SYNDIG1L: variants seen among roughly 807,000 people sequenced by gnomAD.
The protein encoded by SYNDIG1L is synapse differentiation inducing 1 like.
A neutral mutation model predicts 20.1 loss-of-function variants in SYNDIG1L; 13 were observed. The observed-to-expected ratio is 0.65, with a 90% CI of 0.42 to 1.03. SYNDIG1L has a LOEUF of 1.03. Among genes scored for constraint, SYNDIG1L ranks in the 50% least tolerant of loss-of-function variants. SYNDIG1L has a pLI of 0.00. For missense variants in SYNDIG1L, 294 were observed against 305.1 expected (o/e 0.96, Z 0.27); for synonymous variants, 128 against 129.3 (o/e 0.99, Z 0.07).
intron 1 of SYNDIG1L, among the ~76,000 whole-genome samples, chr14:74,411,131 G>A (rs1297597319): frequency 6.6e-6 from 1 of 152,222 alleles, no homozygotes; most frequent in Non-Finnish European, 1.5e-5. Flanking sequence ...TGATGGGGCT[G>A]TGTCTTGCCC....
chr14:74,449,438 C>CAAAAAAAAAAAAAAAA, the SYNDIG1L span, among the ~76,000 whole-genome samples: 34 of 34,018 alleles, frequency 1.0e-3, 13 homozygotes, highest in Non-Finnish European at 1.3e-3. Context: ...CCTGTCTTTA[C>CAAAAAAAAAAAAAAAA]AAAAAAAAAA....
chr14:74,446,167 G>C, the SYNDIG1L span, among the ~76,000 whole-genome samples: 244 of 152,238 alleles, frequency 1.6e-3, 2 homozygotes, highest in South Asian at 0.019. Context: ...CACTAAAGTT[G>C]GCTATCACCC....
the SYNDIG1L span, among the ~76,000 whole-genome samples, chr14:74,461,472 A>G: frequency 2.0e-5 from 3 of 152,152 alleles, no homozygotes. Context: ...TCTGGTCACA[A>G]TGGGAGAGGA....
At chr14:74,421,673 G>A (rs557544793) in intron 1 of SYNDIG1L, among the ~76,000 whole-genome samples, 4 of 152,330 alleles carry the variant, frequency 2.6e-5, no homozygotes, top group African/African-American at 9.6e-5. Flanking sequence ...GCTGCTGGAT[G>A]TATGGAGTCG....
At chr14:74,467,364 A>G in the SYNDIG1L span, among the ~76,000 whole-genome samples, 4 of 152,130 alleles carry the variant, frequency 2.6e-5, no homozygotes, top group South Asian at 8.3e-4. Context: ...TCCTAAAACG[A>G]GGGCTGAGAA....
the SYNDIG1L span, among the ~76,000 whole-genome samples, chr14:74,432,378 C>T: frequency 1.3e-5 from 2 of 152,144 alleles, no homozygotes; most frequent in African/African-American, 2.4e-5. Flanking sequence ...CTCCTCCACA[C>T]CCTGGTATAT....
At chr14:74,444,402 G>C in the SYNDIG1L span, among the ~76,000 whole-genome samples, 25 of 151,558 alleles carry the variant, frequency 1.6e-4, no homozygotes, top group African/African-American at 6.1e-4. Context: ...TTTACAATAT[G>C]TATTTATTAT....
the SYNDIG1L span, among the ~76,000 whole-genome samples, chr14:74,447,530 T>C: frequency 1.3e-5 from 2 of 149,984 alleles, no homozygotes; most frequent in Non-Finnish European, 1.5e-5. Flanking sequence ...GAGGTTGCAG[T>C]GAGCCAAGAT....
At chr14:74,459,952 C>A in the SYNDIG1L span, among the ~76,000 whole-genome samples, 1 of 152,224 alleles carries the variant, frequency 6.6e-6, no homozygotes, top group Non-Finnish European at 1.5e-5. Flanking sequence ...GCTCTCCTCC[C>A]AGATGCTTCT....
chr14:74,478,357 T>G, the SYNDIG1L span, among the ~76,000 whole-genome samples: 2 of 152,210 alleles, frequency 1.3e-5, no homozygotes, highest in African/African-American at 4.8e-5. Context: ...ATTAAAACAT[T>G]GTTTCAAATT....
At chr14:74,421,284 C>T (rs549971488) in intron 1 of SYNDIG1L, among the ~76,000 whole-genome samples, 3 of 151,988 alleles carry the variant, frequency 2.0e-5, no homozygotes, top group East Asian at 3.9e-4. Flanking sequence ...ATAGACTAGG[C>T]ATAGATAAAG....
At position 74,407,453 on chromosome 14, in the gene SYNDIG1L, G is replaced by T; in HGVS notation, c.*82C>A. The T allele has an allele frequency of 1.3e-6, 2 of 1,579,644 alleles. No individual in the cohort carries two copies. Among genetic ancestry groups the T allele is most frequent in the Non-Finnish European group, 8.6e-7 (1 of 1,162,108 alleles). ...TCACGGGATCATCTTCAGGGGCCGG[G>T]CCTTTCCATAGGGTCTGCAACTCCA... On this transcript the variant is annotated 3_prime_UTR_variant, in exon 4 of 4. Transcript: ENST00000331628.
chr14:74,456,117 G>C, the SYNDIG1L span, among the ~76,000 whole-genome samples: 2 of 152,200 alleles, frequency 1.3e-5, no homozygotes, highest in Non-Finnish European at 2.9e-5. Context: ...AGGAAAGAGT[G>C]AGGGCCTGGC....
the SYNDIG1L span, among the ~76,000 whole-genome samples, chr14:74,436,036 C>T: frequency 6.6e-6 from 1 of 152,088 alleles, no homozygotes; most frequent in African/African-American, 2.4e-5. Context: ...ATTTACTATA[C>T]ACAGAAAACA....
chr14:74,431,365 G>A, the SYNDIG1L span, among the ~76,000 whole-genome samples: 1 of 152,136 alleles, frequency 6.6e-6, no homozygotes, highest in African/African-American at 2.4e-5. Flanking sequence ...TGGGTCTGGG[G>A]AGGCAGGGCT....
At chr14:74,453,235 T>C in the SYNDIG1L span, among the ~76,000 whole-genome samples, 1 of 151,412 alleles carries the variant, frequency 6.6e-6, no homozygotes, top group Admixed American at 6.6e-5. Flanking sequence ...TAATCACAGC[T>C]ACTTGGGAGG....
intron 1 of SYNDIG1L, among the ~76,000 whole-genome samples, chr14:74,412,340 G>A (rs905480714): frequency 2.6e-4 from 39 of 152,222 alleles, no homozygotes; most frequent in Non-Finnish European, 2.5e-4. Flanking sequence ...GGATGTGACC[G>A]TAGGTGTGGG....
chr14:74,462,879 A>T, the SYNDIG1L span, among the ~76,000 whole-genome samples: 20 of 152,166 alleles, frequency 1.3e-4, 1 homozygote, highest in Admixed American at 1.2e-3. Flanking sequence ...TAACCCCCTC[A>T]TGGGTCAAGG....
the SYNDIG1L span, among the ~76,000 whole-genome samples, chr14:74,443,826 T>C: frequency 2.0e-5 from 3 of 152,118 alleles, no homozygotes; most frequent in Non-Finnish European, 2.9e-5. Context: ...GGCTGGCCAA[T>C]AACTGTCATT....
Sources: allele counts gnomAD v4.1 joint callset (sites outside exome capture counted in the v4.1 genomes callset), GRCh38; gene constraint gnomAD v4.1.1; transcripts MANE v1.5; gene names NCBI Gene and HGNC (gene_info 2026-07-23, HGNC 2026-07-21).